Variants in MGMT observed in about 807,000 individuals in gnomAD.
MGMT encodes O-6-methylguanine-DNA methyltransferase.
A neutral mutation model predicts 15.9 loss-of-function variants in MGMT; 14 were observed. That is an observed-to-expected ratio of 0.88 (90% CI 0.58 to 1.37). MGMT has a LOEUF of 1.37. Ranked by LOEUF, MGMT falls within the 40% of genes most tolerant of loss-of-function variation. The pLI is 0.00. For missense variants in MGMT, 282 were observed against 268.1 expected (o/e 1.05, Z -0.36); for synonymous variants, 130 against 118.2 (o/e 1.10, Z -0.65).
chr10:129,625,589 C>T (rs1847137569), intron 2 of MGMT, among the ~76,000 whole-genome samples: 1 of 152,134 alleles, frequency 6.6e-6, no homozygotes, highest in Non-Finnish European at 1.5e-5. Context: ...AAGAAAAGAA[C>T]TTTATGATGA....
intron 2 of MGMT, among the ~76,000 whole-genome samples, chr10:129,680,148 A>G (rs1847834001): frequency 6.6e-6 from 1 of 152,166 alleles, no homozygotes; most frequent in Non-Finnish European, 1.5e-5. Flanking sequence ...ATCACATGCT[A>G]TTGTAGTACA....
intron 4 of MGMT, among the ~76,000 whole-genome samples, chr10:129,759,602 G>A (rs1341554136): frequency 1.3e-5 from 2 of 152,176 alleles, no homozygotes; most frequent in Non-Finnish European, 2.9e-5. Flanking sequence ...GTGAGCAGGA[G>A]AGGAGGGAGC....
chr10:129,668,791 ACTTTTT>A (rs1409074214), intron 2 of MGMT, among the ~76,000 whole-genome samples: 1 of 152,166 alleles, frequency 6.6e-6, no homozygotes, highest in African/African-American at 2.4e-5. Context: ...TTTTAAAAGA[ACTTTTT>A]CTTTTTGAAA....
intron 4 of MGMT, among the ~76,000 whole-genome samples, chr10:129,765,140 C>A (rs540210350): frequency 9.1e-4 from 139 of 152,246 alleles, no homozygotes; most frequent in Non-Finnish European, 1.7e-3. Context: ...CATGTCCCCC[C>A]ACACGTCCCC....
intron 3 of MGMT, among the ~76,000 whole-genome samples, chr10:129,714,123 G>A (rs1220344430): frequency 1.3e-5 from 2 of 152,250 alleles, no homozygotes; most frequent in South Asian, 2.1e-4. Context: ...AGAGCCCCTA[G>A]GCGCCCCGAG....
intron 1 of MGMT, among the ~76,000 whole-genome samples, chr10:129,534,171 G>C (rs1298939304): frequency 6.6e-6 from 1 of 152,144 alleles, no homozygotes; most frequent in Non-Finnish European, 1.5e-5. Context: ...AGGGTGGGAG[G>C]CCGTGATTTG....
intron 2 of MGMT, among the ~76,000 whole-genome samples, chr10:129,683,763 T>C (rs61483051): frequency 1.3e-5 from 2 of 152,300 alleles, no homozygotes; most frequent in East Asian, 3.9e-4. Context: ...CCCACTTGAA[T>C]GGTAATAATC....
intron 2 of MGMT, among the ~76,000 whole-genome samples, chr10:129,582,194 C>T (rs138220839): frequency 1.7e-4 from 26 of 152,348 alleles, no homozygotes; most frequent in Non-Finnish European, 2.9e-4. Flanking sequence ...CCGGCTACGT[C>T]TCATGAATGT....
intron 2 of MGMT, among the ~76,000 whole-genome samples, chr10:129,665,044 G>C (rs572373319): frequency 1.3e-5 from 2 of 152,114 alleles, no homozygotes; most frequent in South Asian, 4.2e-4. Flanking sequence ...AAATAGAGTT[G>C]AACATACACT....
At chr10:129,586,052 G>T (rs1327883812) in intron 2 of MGMT, among the ~76,000 whole-genome samples, 1 of 152,182 alleles carries the variant, frequency 6.6e-6, no homozygotes, top group African/African-American at 2.4e-5. Context: ...ACAGAGGGAT[G>T]ATTCGTGTCT....
At chr10:129,619,879 G>T (rs1212655643) in intron 2 of MGMT, among the ~76,000 whole-genome samples, 3 of 152,014 alleles carry the variant, frequency 2.0e-5, no homozygotes, top group Admixed American at 6.6e-5. Context: ...TCTTGTTACA[G>T]GTTTATTCAT....
At chr10:129,475,288 C>T (rs1164037412) in intron 1 of MGMT, among the ~76,000 whole-genome samples, 5 of 152,016 alleles carry the variant, frequency 3.3e-5, no homozygotes, top group Non-Finnish European at 7.4e-5. Context: ...GTCTCAGCCT[C>T]CTGCAGTTGT....
intron 2 of MGMT, among the ~76,000 whole-genome samples, chr10:129,683,260 C>T (rs553670342): frequency 2.6e-4 from 39 of 152,260 alleles, no homozygotes; most frequent in South Asian, 1.7e-3. Context: ...CGTAGGAGTA[C>T]GGGGGCAGCA....
intron 2 of MGMT, among the ~76,000 whole-genome samples, chr10:129,576,375 T>C (rs1365719687): frequency 4.0e-5 from 6 of 151,350 alleles, no homozygotes; most frequent in South Asian, 2.1e-4. Flanking sequence ...GCAAGGCTGG[T>C]TCAATATACG....
intron 2 of MGMT, among the ~76,000 whole-genome samples, chr10:129,662,687 A>G (rs1847612384): frequency 6.6e-6 from 1 of 152,122 alleles, no homozygotes; most frequent in Non-Finnish European, 1.5e-5. Flanking sequence ...TGAGCAGCAC[A>G]TGTGAAACAC....
intron 1 of MGMT, among the ~76,000 whole-genome samples, chr10:129,508,900 T>C (rs1433828242): frequency 6.6e-6 from 1 of 152,080 alleles, no homozygotes; most frequent in Non-Finnish European, 1.5e-5. Flanking sequence ...GATTGCTTAC[T>C]TGGTTGAAAA....
chr10:129,760,281 C>T (rs1022582384), intron 4 of MGMT, among the ~76,000 whole-genome samples: 7 of 152,220 alleles, frequency 4.6e-5, no homozygotes, highest in Admixed American at 4.6e-4. Flanking sequence ...GGTGCCCCGT[C>T]TGCGTGGCCC....
intron 2 of MGMT, among the ~76,000 whole-genome samples, chr10:129,692,025 G>A (rs1847974754): frequency 6.6e-6 from 1 of 152,198 alleles, no homozygotes; most frequent in Admixed American, 6.5e-5. Flanking sequence ...CTAGACGTGG[G>A]CGGTGCACGT....
intron 2 of MGMT, among the ~76,000 whole-genome samples, chr10:129,698,314 G>A (rs1211313118): frequency 6.6e-6 from 1 of 152,180 alleles, no homozygotes; most frequent in Admixed American, 6.5e-5. Flanking sequence ...CCATGTCCAG[G>A]CATGCAGTGT....
Sources: gnomAD v4.1 joint callset for allele counts (sites outside exome capture counted in the v4.1 genomes callset) on GRCh38, gnomAD v4.1.1 for gene constraint, MANE v1.5 for transcripts, NCBI Gene and HGNC (gene_info 2026-07-23, HGNC 2026-07-21) for gene names.